The following ITPA variants were observed in gnomAD, a reference collection of about 807,000 sequenced individuals.
ITPA encodes inosine triphosphatase, also known as inosine triphosphate pyrophosphatase.
In ITPA, 29 loss-of-function variants were observed where a neutral mutation model predicts 29.6. The observed-to-expected ratio is 0.98, with a 90% CI of 0.73 to 1.34. The LOEUF (loss-of-function observed/expected upper bound fraction) is 1.34, where lower values mean the gene tolerates loss of function less well. ITPA is among the 40% of genes most tolerant of loss of function. ITPA has a pLI of 0.00. For missense variants in ITPA, 241 were observed against 251.5 expected (o/e 0.96, Z 0.28); for synonymous variants, 103 against 99.3 (o/e 1.04, Z -0.22).
Position 3,215,338 on chromosome 20 carries a change from G to A in ITPA, c.295+26G>A. ...GTATTATCTGCTTTGTTTCTTCCCT[G>A]GATCTGTTGGGAATGAGAATCTGGG... On this transcript the variant is annotated intron_variant, in intron 5 of 7. Transcript: ENST00000380113. 1.9e-6 allele frequency: 3 copies of A among 1,607,990 alleles called. No individual in the cohort carries two copies. The South Asian group carries it at 3.3e-5, about 18-fold the overall frequency.
At chr20:3,220,211 C>T (rs2067427784) in intron 6 of ITPA, among the ~76,000 whole-genome samples, 2 of 152,078 alleles carry the variant, frequency 1.3e-5, no homozygotes, top group South Asian at 4.1e-4. Context: ...GCGTGCACCA[C>T]CACACCCGGC....
At chr20:3,208,712 G>T (rs576365807), upstream of ITPA, among the ~76,000 whole-genome samples, 1 of 152,264 alleles carries the variant, frequency 6.6e-6, no homozygotes, top group South Asian at 2.1e-4. Context: ...TGAGGAGCTT[G>T]GTAAGAACTC....
chr20:3,222,084 G>T (rs1490501714), intron 7 of ITPA, among the ~76,000 whole-genome samples, 167 bp downstream of exon 7: 1 of 152,226 alleles, frequency 6.6e-6, no homozygotes, highest in Non-Finnish European at 1.5e-5. Context: ...TAGGAATCTG[G>T]GTGGCCCAGT....
At chr20:3,218,704 G>A (rs1312375771) in intron 6 of ITPA, 72 bp downstream of exon 6, 4 of 1,163,156 alleles carry the variant, frequency 3.4e-6, no homozygotes, top group East Asian at 4.8e-5. Flanking sequence ...CGACCGCCCC[G>A]AGTCTGCGGG....
At chr20:3,218,183 G>A (rs1018816368) in intron 5 of ITPA, among the ~76,000 whole-genome samples, 6 of 152,224 alleles carry the variant, frequency 3.9e-5, no homozygotes, top group Non-Finnish European at 7.3e-5. Context: ...CTCCCAAAGT[G>A]CTGGGATTAC....
chr20:3,213,121 T>G, intron 1 of ITPA, 48 bp from the exon 2 acceptor site: 1 of 1,557,816 alleles, frequency 6.4e-7, no homozygotes, highest in South Asian at 1.1e-5. Flanking sequence ...CGTGCTCACA[T>G]GGAGAATCAC....
chr20:3,213,445 G>T, intron 3 of ITPA, 62 bp downstream of exon 3: 1 of 1,597,606 alleles, frequency 6.3e-7, no homozygotes, highest in Non-Finnish European at 8.6e-7. Context: ...CAGGGCCTGC[G>T]CCTGCTAGAA....
chr20:3,209,378 G>A, upstream of ITPA: 1 of 707,132 alleles, frequency 1.4e-6, no homozygotes, highest in South Asian at 1.5e-5. The surrounding 1 kb of genome is among the most constrained non-coding windows in gnomAD (Gnocchi z 4.6). Context: ...GACGCTGTGG[G>A]CTAGGCCGCC....
At chr20:3,224,259 C>T (rs193057970), downstream of ITPA, among the ~76,000 whole-genome samples, 462 of 152,364 alleles carry the variant, frequency 3.0e-3, no homozygotes, top group Middle Eastern at 6.8e-3. Context: ...TCGGCGTGAT[C>T]GCCACAGTTC....
rs538432614 is a variant in ITPA, at chr20:3,213,219, A to C, written c.117A>C (p.Lys39Asn). ...DKFPCTLVAQ[K>N]IDLPEYQGEP... is the part of the protein sequence containing the mutation. The stretch of plus-strand genomic sequence containing the variant: ...TTCCATGCACTTTGGTGGCACAGAA[A>C]ATTGACCGTATGTCTCTGTTTTGTT... The change falls in exon 2 of 8, where the codon AAA becomes AAC. Residue 39 changes from lysine (K) to asparagine (N), a missense_variant. Transcript: ENST00000380113. The C allele has an allele frequency of 3.7e-6, 6 of 1,614,184 alleles. No homozygotes were observed. In the East Asian group the frequency reaches 1.3e-4, roughly 36 times the overall value.
At chr20:3,204,507 C>T (rs200467073), upstream of ITPA, 4 of 1,540,886 alleles carry the variant, frequency 2.6e-6, no homozygotes, top group African/African-American at 2.7e-5. Flanking sequence ...AACCCGGTAC[C>T]ACCAACCCTG....
intron 7 of ITPA, among the ~76,000 whole-genome samples, chr20:3,222,663 C>A (rs1055891043): frequency 6.6e-6 from 1 of 152,144 alleles, no homozygotes. Flanking sequence ...ACACAAGGCA[C>A]GGGCCATTGT....
chr20:3,221,357 T>C (rs1384132529), intron 6 of ITPA, among the ~76,000 whole-genome samples: 1 of 152,084 alleles, frequency 6.6e-6, no homozygotes, highest in Non-Finnish European at 1.5e-5. Context: ...AAGTGGGGAG[T>C]TGGGTACCTG....
At chr20:3,204,459 C>G, upstream of ITPA, 1 of 1,427,702 alleles carries the variant, frequency 7.0e-7, no homozygotes, top group Non-Finnish European at 9.4e-7. Flanking sequence ...GCGCAGGAGC[C>G]GCGGCGCGAC....
At chr20:3,225,800 A>G (rs2067548371), downstream of ITPA, among the ~76,000 whole-genome samples, 1 of 152,198 alleles carries the variant, frequency 6.6e-6, no homozygotes, top group Non-Finnish European at 1.5e-5. Context: ...AGGCCAAGGC[A>G]GGCAGATCAC....
At chr20:3,226,009 C>G (rs777764704), downstream of ITPA, among the ~76,000 whole-genome samples, 2 of 152,180 alleles carry the variant, frequency 1.3e-5, no homozygotes, top group South Asian at 2.1e-4. The surrounding 1 kb of genome is among the most constrained non-coding windows in gnomAD (Gnocchi z 4.4). Flanking sequence ...GAGAGTGAGA[C>G]GCTGTCTCAA....
intron 6 of ITPA, among the ~76,000 whole-genome samples, chr20:3,219,398 C>G (rs1422156353): frequency 4.0e-5 from 6 of 151,730 alleles, no homozygotes; most frequent in Middle Eastern, 3.4e-3. Context: ...TTCTTGAGCC[C>G]AGGTGTTCAA....
In ITPA at chr20:3,209,542, G is replaced by A. The variant is rs773712912; in HGVS notation, c.-10G>A. The A allele has an allele frequency of 3.7e-6, 6 of 1,613,668 alleles. No individual in the cohort carries two copies. The highest frequency in any genetic ancestry group is 5.1e-6 in the Non-Finnish European group (6 of 1,179,660). On this transcript the variant is annotated 5_prime_UTR_variant, in exon 1 of 8. Transcript: ENST00000380113. This position sits in a 1 kb window ranked among gnomAD's most constrained non-coding sequence, Gnocchi z 4.6. Reference sequence around the variant, plus strand: ...TTTTCGGTGGCTCAGCTGGGTAACCGGGGATCACCATGGCGGCCTCATTGG... The same window carrying A: ...TTTTCGGTGGCTCAGCTGGGTAACCAGGGATCACCATGGCGGCCTCATTGG...
upstream of ITPA, chr20:3,204,772 T>A: frequency 2.7e-6 from 2 of 730,064 alleles, no homozygotes; most frequent in Non-Finnish European, 4.4e-6. Context: ...TGTCAGACAT[T>A]AAAATGAGTT....
Sources: gnomAD v4.1 joint callset for allele counts (sites outside exome capture counted in the v4.1 genomes callset) on GRCh38, gnomAD v4.1.1 for gene constraint, Gnocchi (gnomAD v3.1) non-coding constraint, MANE v1.5 for transcripts, NCBI Gene and HGNC (gene_info 2026-07-23, HGNC 2026-07-21) for gene names.